The following ASAP1 variants were observed in gnomAD, a reference collection of about 807,000 sequenced individuals.
The protein encoded by ASAP1 is ArfGAP with SH3 domain, ankyrin repeat and PH domain 1, also known as arf-GAP with SH3 domain, ANK repeat and PH domain-containing protein 1.
In ASAP1, 43 loss-of-function variants were observed where a neutral mutation model predicts 145.2. The observed-to-expected ratio is 0.30, with a 90% confidence interval of 0.23 to 0.38. The LOEUF is 0.38. Among genes scored for constraint, ASAP1 ranks in the 10% least tolerant of loss-of-function variants. The pLI is 1.00. For missense variants in ASAP1, 1,018 were observed against 1,355.3 expected, an observed-to-expected ratio of 0.75 and a Z score of 3.91; for synonymous variants, 546 against 515.5, an observed-to-expected ratio of 1.06 and a Z score of -0.80.
intron 5 of ASAP1, among the ~76,000 whole-genome samples, chr8:130,199,495 C>T (rs1473858245): frequency 6.6e-6 from 1 of 152,158 alleles, no homozygotes; most frequent in Non-Finnish European, 1.5e-5. Flanking sequence ...GAGTGACAAA[C>T]CAAGGGTACC....
intron 27 of ASAP1, among the ~76,000 whole-genome samples, chr8:130,073,771 C>G (rs958333189): frequency 6.6e-6 from 1 of 152,166 alleles, no homozygotes; most frequent in Non-Finnish European, 1.5e-5. Flanking sequence ...TGAGCATTAA[C>G]AGCTGTGAAC....
intron 1 of ASAP1, among the ~76,000 whole-genome samples, chr8:130,419,955 C>T (rs72726213): frequency 4.6e-5 from 6 of 130,822 alleles, no homozygotes; most frequent in Admixed American, 7.7e-5. Context: ...CCTTCTTCTT[C>T]TTTTTTTTTT....
At chr8:130,380,609 T>C (rs745363835) in intron 2 of ASAP1, among the ~76,000 whole-genome samples, 1 of 152,140 alleles carries the variant, frequency 6.6e-6, no homozygotes, top group African/African-American at 2.4e-5. Flanking sequence ...GTAAAAGCAA[T>C]GGCTGAAGGT....
At chr8:130,327,189 C>T (rs1215232670) in intron 3 of ASAP1, among the ~76,000 whole-genome samples, 3 of 152,172 alleles carry the variant, frequency 2.0e-5, no homozygotes, top group Non-Finnish European at 4.4e-5. Context: ...TAAGAGTTGT[C>T]CTTGGATTTG....
At chr8:130,354,213 TTTTATTTACTAGCCAC>T (rs1826170182) in intron 3 of ASAP1, among the ~76,000 whole-genome samples, 1 of 152,136 alleles carries the variant, frequency 6.6e-6, no homozygotes, top group African/African-American at 2.4e-5. Context: ...TTAAATTCCA[TTTTATTTACTAGCCAC>T]TTGACCTTAG....
intron 3 of ASAP1, among the ~76,000 whole-genome samples, chr8:130,269,003 C>T (rs1820433742): frequency 6.6e-6 from 1 of 152,000 alleles, no homozygotes; most frequent in Non-Finnish European, 1.5e-5. Flanking sequence ...AAACTACTAA[C>T]AAAAAAAGTA....
chr8:130,076,486 C>A (rs1056615380), intron 26 of ASAP1, 80 bp from the exon 27 acceptor site: 2 of 1,070,958 alleles, frequency 1.9e-6, no homozygotes, highest in African/African-American at 1.6e-5. Flanking sequence ...TAAATCAAAT[C>A]AAAGGTATTT....
chr8:130,331,389 TACTA>T (rs1023675924), intron 3 of ASAP1, among the ~76,000 whole-genome samples: 1 of 152,154 alleles, frequency 6.6e-6, no homozygotes, highest in African/African-American at 2.4e-5. Context: ...GAGCATTCCT[TACTA>T]ACTGTGTCAA....
At chr8:130,320,105 C>T (rs1333319424) in intron 3 of ASAP1, among the ~76,000 whole-genome samples, 1 of 152,080 alleles carries the variant, frequency 6.6e-6, no homozygotes, top group Non-Finnish European at 1.5e-5. Context: ...TTACAATGTT[C>T]TTTAAAAAAT....
rs1439424990 is a variant in ASAP1, at chr8:130,053,659, T to C, written c.*1072A>G. 2 of 152,250 alleles carry C rather than the reference T, an allele frequency of 1.3e-5. No homozygotes were observed. The highest frequency in any genetic ancestry group is 6.5e-5 in the Admixed American group (1 of 15,286). The allele number at this position is 152,250 out of a possible 1,614,324, so 9.4% of individuals were successfully genotyped here. The stretch of plus-strand genomic sequence containing the variant: ...TGAAGGGTTGACTTTTAAATTCATC[T>C]TGAATAATCTTTTAAAAGTTTAAAT... On this transcript the variant is annotated 3_prime_UTR_variant, in exon 30 of 30. Coordinates refer to ENST00000518721, the MANE Select transcript of ASAP1 (RefSeq NM_018482.4).
chr8:130,250,280 T>G (rs1003963477), intron 3 of ASAP1, among the ~76,000 whole-genome samples: 1 of 152,128 alleles, frequency 6.6e-6, no homozygotes, highest in African/African-American at 2.4e-5. Context: ...ATGAAGAAAT[T>G]AAGTCAGAAA....
In ASAP1 at chr8:130,123,994, A is replaced by G. The variant is rs548320792; in HGVS notation, c.1607+19T>C. 1.3e-5 allele frequency: 20 copies of G among 1,570,222 alleles called. No homozygotes were observed. In the African/African-American group the frequency reaches 2.5e-4, roughly 19 times the overall value. Reference sequence around the variant, plus strand: ...TTATAGAATGGTTTAAAAAAGTTCAATATATCAGAAATACTTACATATCAC... The same window carrying G: ...TTATAGAATGGTTTAAAAAAGTTCAGTATATCAGAAATACTTACATATCAC... On this transcript the variant is annotated intron_variant, in intron 18 of 29. Transcript: ENST00000518721.
intron 9 of ASAP1, among the ~76,000 whole-genome samples, chr8:130,172,220 C>G (rs1227000100): frequency 7.2e-5 from 11 of 152,188 alleles, no homozygotes; most frequent in Admixed American, 7.2e-4. Flanking sequence ...ATATAAGGAA[C>G]TGTTTCCTTT....
chr8:130,360,633 G>A (rs1438265754), intron 2 of ASAP1: 1 of 152,186 alleles, frequency 6.6e-6, no homozygotes, highest in African/African-American at 2.4e-5. Context: ...AAGTTGAGAA[G>A]TCAACTTCAA....
intron 2 of ASAP1, among the ~76,000 whole-genome samples, chr8:130,379,817 C>G (rs1183696069): frequency 2.6e-5 from 4 of 152,172 alleles, no homozygotes; most frequent in Admixed American, 6.5e-5. Flanking sequence ...TGGCTCTGCC[C>G]TCACTAACTC....
intron 11 of ASAP1, among the ~76,000 whole-genome samples, chr8:130,160,584 A>T (rs930594588): frequency 2.2e-4 from 33 of 152,248 alleles, no homozygotes; most frequent in Admixed American, 2.0e-3. Context: ...CAAACCAACA[A>T]CATAGATGTA....
At chr8:130,419,840 T>G (rs1829642920) in intron 1 of ASAP1, among the ~76,000 whole-genome samples, 1 of 152,112 alleles carries the variant, frequency 6.6e-6, no homozygotes, top group Non-Finnish European at 1.5e-5. Flanking sequence ...GCCCTCGCTG[T>G]CTCCGGTTTC....
chr8:130,153,366 T>C lies in ASAP1; in HGVS notation c.1011-561A>G, dbSNP rs1243073655. On this transcript the variant is annotated intron_variant, in intron 12 of 29. Coordinates refer to ENST00000518721, the MANE Select transcript of ASAP1 (RefSeq NM_018482.4). The stretch of plus-strand genomic sequence containing the variant: ...ATATATATATATATATATGTATATA[T>C]ATATATATATATATATATTTTGAGA... Among the ~76,000 whole-genome samples the C allele has an allele frequency of 5.7e-4, 45 of 79,456 alleles. 3 individuals carry two copies. Among genetic ancestry groups the C allele is most frequent in the Non-Finnish European group, 1.9e-4 (7 of 37,382 alleles). The allele number at this position is 79,456 out of a possible 152,430, so 52.1% of individuals were successfully genotyped here. A position where few individuals can be genotyped will look rare whatever the true frequency, so the allele number is the denominator to read the frequency against.
intron 4 of ASAP1, among the ~76,000 whole-genome samples, chr8:130,226,699 C>G (rs1817608454): frequency 6.6e-6 from 1 of 152,118 alleles, no homozygotes. Flanking sequence ...TAACAGAGCC[C>G]CAAGAAAAGA....
Sources: gnomAD v4.1 joint callset for allele counts (sites outside exome capture counted in the v4.1 genomes callset) on GRCh38, gnomAD v4.1.1 for gene constraint, MANE v1.5 for transcripts, NCBI Gene and HGNC (gene_info 2026-07-23, HGNC 2026-07-21) for gene names.